The following XIRP2 variants were observed in gnomAD, a reference collection of about 807,000 sequenced individuals.
The protein encoded by XIRP2 is xin actin binding repeat containing 2.
A neutral mutation model predicts 277.0 loss-of-function variants in XIRP2; 236 were observed. The ratio of observed to expected loss-of-function variants is 0.85; its 90% CI spans 0.77 to 0.95. The LOEUF is 0.95. Among genes scored for constraint, XIRP2 ranks in the 40% least tolerant of loss-of-function variants. The pLI is 0.00. For missense variants in XIRP2, 4,640 were observed against 4,157.5 expected, an observed-to-expected ratio of 1.12 and a Z score of -3.19; for synonymous variants, 1,490 against 1,416.5, an observed-to-expected ratio of 1.05 and a Z score of -1.17.
intron 3 of XIRP2, among the ~76,000 whole-genome samples, chr2:167,206,557 A>G (rs1394184616): frequency 6.6e-6 from 1 of 152,206 alleles, no homozygotes; most frequent in Admixed American, 6.5e-5. Context: ...GGCTCATATC[A>G]GCCTCACAAC....
intron 2 of XIRP2, among the ~76,000 whole-genome samples, chr2:166,936,755 C>T (rs1685529644): frequency 6.6e-6 from 1 of 152,072 alleles, no homozygotes; most frequent in Admixed American, 6.6e-5. Flanking sequence ...GGGCTCTGTT[C>T]TGTTCCATTG....
rs560425749 is a variant in XIRP2 at position 166,955,060 on chromosome 2, G to A, written c.408+51170G>A. Among the ~76,000 whole-genome samples the A allele has an allele frequency of 4.0e-5, 6 of 151,654 alleles. No homozygotes were observed. The East Asian group carries it at 5.9e-4, about 15-fold the overall frequency. ...CCTGCACATCCTGTACATGTACCCC[G>A]GAACTTATAAAATAAAATAATTGTT... On this transcript the variant is annotated intron_variant, in intron 2 of 10. Transcript: ENST00000409195.
chr2:167,120,181 C>A (rs113472463), intron 2 of XIRP2, among the ~76,000 whole-genome samples: 9 of 152,190 alleles, frequency 5.9e-5, no homozygotes, highest in African/African-American at 2.2e-4. Context: ...TTAGAAAATA[C>A]GAGGCCCTTT....
At position 167,244,487 on chromosome 2, in the gene XIRP2, G is replaced by A; in HGVS notation, c.3095G>A (p.Ser1032Asn). 6.2e-7 allele frequency: 1 copy of A among 1,613,726 alleles called. No individual in the cohort carries two copies. Among genetic ancestry groups the A allele is most frequent in the Non-Finnish European group, 8.5e-7 (1 of 1,179,798 alleles). ...AGGCCCATTGACCAGTTTGATGAAA[G>A]CATTCATAAATTTCAAATAATTAGA... ...ETRPIDQFDESIHKFQIIRGI... is the reference protein window; with the variant it reads ...ETRPIDQFDENIHKFQIIRGI... The change falls in exon 9 of 11, where the codon AGC (serine) becomes AAC (asparagine). Residue 1032 changes from serine to asparagine, a missense_variant. Transcript: ENST00000409195.
chr2:166,915,638 A>C (rs1684851550), intron 2 of XIRP2, among the ~76,000 whole-genome samples: 1 of 152,156 alleles, frequency 6.6e-6, no homozygotes, highest in Non-Finnish European at 1.5e-5. Flanking sequence ...TCTCACCATT[A>C]ATAAGGGGGT....
intron 2 of XIRP2, among the ~76,000 whole-genome samples, chr2:167,013,467 A>G (rs1247126024): frequency 6.6e-6 from 1 of 151,530 alleles, no homozygotes; most frequent in Non-Finnish European, 1.5e-5. Flanking sequence ...AAGCTGAGAT[A>G]CTGCATTTTT....
intron 2 of XIRP2, among the ~76,000 whole-genome samples, chr2:166,955,753 G>A (rs1327974708): frequency 1.3e-5 from 2 of 151,126 alleles, no homozygotes; most frequent in Non-Finnish European, 3.0e-5. Context: ...TTTGTGCTTC[G>A]AATATTTTGA....
At chr2:167,158,711 A>G (rs1692276109) in intron 3 of XIRP2, among the ~76,000 whole-genome samples, 1 of 152,240 alleles carries the variant, frequency 6.6e-6, no homozygotes, top group East Asian at 1.9e-4. Context: ...GAGATGTTCA[A>G]TAACAATTTC....
At chr2:167,088,287 C>T (rs1249498063) in intron 2 of XIRP2, among the ~76,000 whole-genome samples, 3 of 152,068 alleles carry the variant, frequency 2.0e-5, no homozygotes, top group African/African-American at 4.8e-5. Flanking sequence ...TTATCCTAGC[C>T]ACCTCTTAGG....
chr2:167,097,277 T>C (rs1215672212), intron 2 of XIRP2, among the ~76,000 whole-genome samples: 1 of 152,234 alleles, frequency 6.6e-6, no homozygotes, highest in Non-Finnish European at 1.5e-5. Context: ...CTTGTTCCAT[T>C]GATCCCTTTA....
chr2:167,084,317 T>C (rs1398736814), intron 2 of XIRP2, among the ~76,000 whole-genome samples: 3 of 152,218 alleles, frequency 2.0e-5, no homozygotes, highest in African/African-American at 7.2e-5. Flanking sequence ...GATAAGTTTT[T>C]TGATGTGCTG....
intron 2 of XIRP2, among the ~76,000 whole-genome samples, chr2:166,935,520 C>A (rs188750272): frequency 1.3e-5 from 2 of 152,304 alleles, no homozygotes; most frequent in East Asian, 3.9e-4. Flanking sequence ...CCCATTAACT[C>A]ATCATTTACA....
intron 2 of XIRP2, among the ~76,000 whole-genome samples, chr2:167,103,582 G>T (rs931438197): frequency 6.6e-6 from 1 of 152,156 alleles, no homozygotes; most frequent in Non-Finnish European, 1.5e-5. Context: ...CCAATCTGCG[G>T]CAATGCTCTA....
intron 5 of XIRP2, among the ~76,000 whole-genome samples, chr2:167,225,794 C>T (rs1055691404): frequency 1.3e-5 from 2 of 152,166 alleles, no homozygotes; most frequent in African/African-American, 4.8e-5. Flanking sequence ...ACAAATCTTT[C>T]ACTGAATTTT....
At position 167,259,398 on chromosome 2, in the gene XIRP2, A is replaced by G. The variant is rs924100387; in HGVS notation, c.*1581A>G. 1 of 1,535,386 alleles carries G rather than the reference A, an allele frequency of 6.5e-7. No individual in the cohort carries two copies. Among genetic ancestry groups the G allele is most frequent in the African/African-American group, 1.4e-5 (1 of 71,804 alleles). On this transcript the variant is annotated 3_prime_UTR_variant, in exon 11 of 11. Coordinates refer to ENST00000409195, the MANE Select transcript of XIRP2 (RefSeq NM_152381.6). ...GGCCACTGACAGTCCACACTTAGGC[A>G]CTGAGAGATATTGATGTTCTGAAAT...
rs79551217 is a variant in XIRP2, at chr2:167,179,061, T to C, written c.563-31674T>C. 8.1e-3 allele frequency among the ~76,000 whole-genome samples: 1,232 copies of C among 152,288 alleles called. 43 individuals are homozygous for C. In the East Asian group the frequency reaches 0.093, roughly 11 times the overall value. On this transcript the variant is annotated intron_variant, in intron 3 of 10. Transcript: ENST00000409195. The stretch of plus-strand genomic sequence containing the variant: ...ATCTAAGACTAGATCCTTGAATCAT[T>C]ACATTATTAACATAATATAATAATG...
intron 2 of XIRP2, among the ~76,000 whole-genome samples, chr2:166,935,012 C>T (rs906431075): frequency 3.3e-5 from 5 of 149,300 alleles, no homozygotes; most frequent in African/African-American, 1.2e-4. Context: ...GCCTGGGCGA[C>T]AGAGGGCGAC....
rs1553481077 is a variant in XIRP2 at position 167,037,518 on chromosome 2, G to GTGTGTGT, written c.409-98391_409-98390insTGTGTGT. Among the ~76,000 whole-genome samples the GTGTGTGT allele has an allele frequency of 9.0e-4, 114 of 126,456 alleles. 1 individual carries two copies. Among genetic ancestry groups the GTGTGTGT allele is most frequent in the East Asian group, 9.0e-3 (41 of 4,552 alleles). 83.0% of individuals were successfully genotyped at this position (126,456 alleles called of 152,430 possible). A position where few individuals can be genotyped will look rare whatever the true frequency, so the allele number is the denominator to read the frequency against. ...TGGCTTGAGGTTTTTTCATGTGGGG[G>GTGTGTGT]GTGTGTGTGTGTGTGTGTGTGTGTG... On this transcript the variant is annotated intron_variant, in intron 2 of 10. Coordinates refer to ENST00000409195, the MANE Select transcript of XIRP2 (RefSeq NM_152381.6).
rs75006649 is a variant in XIRP2 at position 166,917,014 on chromosome 2, G to A, written c.408+13124G>A. Reference sequence around the variant, plus strand: ...CTACATGAATATTCCTTCTATTTTCGTTCCTCTGTTATCTCTGTAACCCAC... The same window carrying A: ...CTACATGAATATTCCTTCTATTTTCATTCCTCTGTTATCTCTGTAACCCAC... On this transcript the variant is annotated intron_variant, in intron 2 of 10. Coordinates refer to ENST00000409195, the MANE Select transcript of XIRP2 (RefSeq NM_152381.6). Among the ~76,000 whole-genome samples, 237 of 152,132 alleles carry A rather than the reference G, an allele frequency of 1.6e-3. 8 individuals carry two copies. The East Asian group carries it at 0.041, about 26-fold the overall frequency.
Sources: gnomAD v4.1 joint callset for allele counts (sites outside exome capture counted in the v4.1 genomes callset) on GRCh38, gnomAD v4.1.1 for gene constraint, MANE v1.5 for transcripts, NCBI Gene and HGNC (gene_info 2026-07-23, HGNC 2026-07-21) for gene names.